Variants in MRPL13 observed in about 807,000 individuals in gnomAD.
MRPL13 encodes the protein large ribosomal subunit protein uL13m.
In MRPL13, 33 loss-of-function variants were observed where a neutral mutation model predicts 29.0. That is an observed-to-expected ratio of 1.14 (90% CI 0.86 to 1.52). The LOEUF is 1.52. Ranked by LOEUF, MRPL13 falls within the 40% of genes most tolerant of loss-of-function variation. The probability of loss-of-function intolerance (pLI) is 0.00; values close to 1 mark genes in which losing one functional copy is unlikely to be tolerated. For missense variants in MRPL13, 227 were observed against 216.7 expected (o/e 1.05, Z -0.30); for synonymous variants, 77 against 68.4 (o/e 1.13, Z -0.62).
At chr8:120,437,818 T>C (rs13252173) in intron 2 of MRPL13, among the ~76,000 whole-genome samples, 132,980 of 152,126 alleles carry the variant, frequency 0.87, 58,292 homozygotes, top group Non-Finnish European at 0.91. Flanking sequence ...TACAACCATT[T>C]GTAGAACAAT....
Position 120,442,404 on chromosome 8 carries a change from CA to C in MRPL13, c.151+780del, listed in dbSNP as rs1051052657. On this transcript the variant is annotated intron_variant, in intron 2 of 6. Coordinates refer to ENST00000306185, the MANE Select transcript of MRPL13 (RefSeq NM_014078.6). Reference sequence around the variant, plus strand: ...ACATTAATGTAATATAACATAATGCCAAAAAAATTGGAAACAAACCAATGCT... The same window carrying C: ...ACATTAATGTAATATAACATAATGCCAAAAAATTGGAAACAAACCAATGCT... Among the ~76,000 whole-genome samples the C allele has an allele frequency of 7.4e-4, 113 of 151,988 alleles. 1 individual carries two copies. The highest frequency in any genetic ancestry group is 2.6e-3 in the African/African-American group (106 of 41,480).
At chr8:120,439,462 T>C (rs572731490) in intron 2 of MRPL13, among the ~76,000 whole-genome samples, 20 of 152,290 alleles carry the variant, frequency 1.3e-4, no homozygotes, top group African/African-American at 4.8e-4. Context: ...CAAGGTTATG[T>C]ATTGATTGGT....
intron 2 of MRPL13, among the ~76,000 whole-genome samples, chr8:120,441,313 T>G (rs1348658613): frequency 1.3e-5 from 2 of 152,138 alleles, no homozygotes; most frequent in African/African-American, 4.8e-5. Context: ...GATTTAAATT[T>G]GGGAGGCATT....
Position 120,396,050 on chromosome 8 carries a change from C to G in MRPL13, c.*54G>C, listed in dbSNP as rs914125151. On this transcript the variant is annotated 3_prime_UTR_variant, in exon 7 of 7. Transcript: ENST00000306185. ...CTCCATCCTGTAGGTTAGAGAAACTCATCAGAAGAAAGTTTCAATCACTTC... is the reference window on the plus strand; with the variant it reads ...CTCCATCCTGTAGGTTAGAGAAACTGATCAGAAGAAAGTTTCAATCACTTC... 85 of 1,459,344 alleles carry G rather than the reference C, an allele frequency of 5.8e-5. No individual in the cohort carries two copies. Among genetic ancestry groups the G allele is most frequent in the Non-Finnish European group, 7.5e-5 (79 of 1,056,762 alleles). 90.4% of individuals were successfully genotyped at this position (1,459,344 alleles called of 1,614,324 possible). A position where few individuals can be genotyped will look rare whatever the true frequency, so the allele number is the denominator to read the frequency against.
chr8:120,429,781 A>G (rs1812977669), intron 3 of MRPL13, among the ~76,000 whole-genome samples: 1 of 152,206 alleles, frequency 6.6e-6, no homozygotes, highest in Non-Finnish European at 1.5e-5. Context: ...CATATCCCTG[A>G]TATAAAATGG....
At chr8:120,399,890 C>T (rs375792468) in intron 6 of MRPL13, among the ~76,000 whole-genome samples, 12 of 152,060 alleles carry the variant, frequency 7.9e-5, no homozygotes, top group African/African-American at 2.4e-4. Flanking sequence ...TTAAAAAAGA[C>T]AGAAGGGCAT....
At chr8:120,412,268 A>G (rs1332262939) in intron 6 of MRPL13, among the ~76,000 whole-genome samples, 2 of 152,216 alleles carry the variant, frequency 1.3e-5, no homozygotes, top group East Asian at 1.9e-4. Context: ...TGTTTTTAGT[A>G]TATAACTTAT....
intron 2 of MRPL13, among the ~76,000 whole-genome samples, chr8:120,432,602 A>AT (rs1481963530): frequency 6.6e-5 from 10 of 152,052 alleles, no homozygotes; most frequent in South Asian, 4.1e-4. Context: ...TACAATTATT[A>AT]TTTTTTGCAA....
intron 6 of MRPL13, among the ~76,000 whole-genome samples, chr8:120,400,641 G>A (rs1232387652): frequency 6.6e-6 from 1 of 151,246 alleles, no homozygotes; most frequent in African/African-American, 2.4e-5. Context: ...GAAGGAGACA[G>A]AGACAAGAAA....
At chr8:120,432,611 A>C (rs1813007940) in intron 2 of MRPL13, among the ~76,000 whole-genome samples, 1 of 152,084 alleles carries the variant, frequency 6.6e-6, no homozygotes, top group Admixed American at 6.5e-5. Flanking sequence ...TATTTTTTGC[A>C]AATTTAGGGA....
chr8:120,401,044 A>T (rs1468126689), intron 6 of MRPL13, among the ~76,000 whole-genome samples: 1 of 152,122 alleles, frequency 6.6e-6, no homozygotes, highest in Admixed American at 6.5e-5. Flanking sequence ...ACAACCAGAC[A>T]GATTTAGAGC....
chr8:120,426,299 A>G (rs2130474160), intron 3 of MRPL13, among the ~76,000 whole-genome samples: 1 of 152,240 alleles, frequency 6.6e-6, no homozygotes, highest in African/African-American at 2.4e-5. Flanking sequence ...TTTTTTCCAT[A>G]TGTTCCCTTC....
chr8:120,444,818 A>C, intron 1 of MRPL13: 17 of 514,738 alleles, frequency 3.3e-5, no homozygotes, highest in East Asian at 7.2e-5. Context: ...GATCTGCTCT[A>C]ATCCTCTTCC....
At chr8:120,441,132 T>C (rs1047904495) in intron 2 of MRPL13, among the ~76,000 whole-genome samples, 1 of 152,028 alleles carries the variant, frequency 6.6e-6, no homozygotes, top group Admixed American at 6.6e-5. Context: ...TGCTATTAAT[T>C]GAGACAGGGA....
intron 6 of MRPL13, among the ~76,000 whole-genome samples, chr8:120,411,016 G>A (rs1812734141): frequency 6.6e-6 from 1 of 151,570 alleles, no homozygotes; most frequent in South Asian, 2.1e-4. Flanking sequence ...AACCTTAGGT[G>A]ATCCACCGCG....
At chr8:120,429,571 A>G (rs1420499915) in intron 3 of MRPL13, among the ~76,000 whole-genome samples, 1 of 152,124 alleles carries the variant, frequency 6.6e-6, no homozygotes, top group East Asian at 1.9e-4. Context: ...TTTTCATTTC[A>G]AAAAACAGAA....
intron 5 of MRPL13, among the ~76,000 whole-genome samples, chr8:120,418,688 G>T (rs1157209672): frequency 6.6e-6 from 1 of 151,910 alleles, no homozygotes; most frequent in Non-Finnish European, 1.5e-5. Flanking sequence ...TATTATTTTT[G>T]TGTCTTTTAG....
chr8:120,442,215 GT>G (rs1813132496), intron 2 of MRPL13, among the ~76,000 whole-genome samples: 1 of 152,186 alleles, frequency 6.6e-6, no homozygotes. Context: ...CATATCAAGT[GT>G]TATTGAAGAT....
At chr8:120,411,270 C>G (rs1812736998) in intron 6 of MRPL13, among the ~76,000 whole-genome samples, 1 of 152,020 alleles carries the variant, frequency 6.6e-6, no homozygotes, top group South Asian at 2.1e-4. Flanking sequence ...GTCTTGCCAT[C>G]TTGCCCAGGC....
Sources: gnomAD v4.1 joint callset for allele counts (sites outside exome capture counted in the v4.1 genomes callset) on GRCh38, gnomAD v4.1.1 for gene constraint, MANE v1.5 for transcripts, NCBI Gene and HGNC (gene_info 2026-07-23, HGNC 2026-07-21) for gene names.